The following SOS2 variants were observed in gnomAD, a reference collection of about 807,000 sequenced individuals.
SOS2 encodes the protein son of sevenless homolog 2.
A neutral mutation model predicts 148.2 loss-of-function variants in SOS2; 65 were observed. The ratio of observed to expected loss-of-function variants is 0.44; its 90% CI spans 0.36 to 0.54. The LOEUF is 0.54. SOS2 is among the 20% of genes least tolerant of loss of function. The probability of loss-of-function intolerance (pLI) is 0.00; values close to 1 mark genes in which losing one functional copy is unlikely to be tolerated. For missense variants in SOS2, 1,341 were observed against 1,590.2 expected (o/e 0.84, Z 2.67); for synonymous variants, 539 against 537.1 (o/e 1.00, Z -0.05).
Position 50,118,558 on chromosome 14 carries a change from G to A in SOS2, c.3785C>T (p.Pro1262Leu), listed in dbSNP as rs2139464111. The stretch of plus-strand genomic sequence containing the variant: ...TACCCTTGGAGAGGGTGTGCTAGGA[G>A]GAGTGCTTGGCGAATTTGGACACGT... ...ISTCPNSPST[P>L]PSTPSPRVPR... The change falls in exon 23 of 23, where the codon CCT (proline) becomes CTT (leucine). Residue 1262 changes from proline (P) to leucine (L), a missense_variant. By Grantham distance (98) the Pro-to-Leu change is moderately conservative. Transcript: ENST00000216373. 6.2e-7 allele frequency: 1 copy of A among 1,614,160 alleles called. No homozygotes were observed.
At chr14:50,204,953 T>C (rs750105118) in intron 1 of SOS2, among the ~76,000 whole-genome samples, 5 of 152,092 alleles carry the variant, frequency 3.3e-5, no homozygotes, top group Non-Finnish European at 5.9e-5. Flanking sequence ...CCGTTTTTGT[T>C]TCTAAATTTT....
Position 50,134,213 on chromosome 14 carries a change from C to T in SOS2, c.2985G>A (p.Met995Ile), listed in dbSNP as rs746630297. ...TAAACTCTTTTTCAGATGCACTTCC[C>T]ATGGGGTTAAGGTTTTCAAAGAATC... ...MRRFFENLNPMGSASEKEFTD... is the reference protein window; with the variant it reads ...MRRFFENLNPIGSASEKEFTD... Residue 995 changes from methionine to isoleucine, a missense_variant, in exon 19 of 23, where the codon ATG becomes ATA. By Grantham distance (10) the Met-to-Ile change is conservative (BLOSUM62 1). Around this residue, in one of 4 missense-constraint regions of SOS2, gnomAD observed 408 missense variants for 506.6 expected, o/e 0.81. Transcript: ENST00000216373. 4.4e-6 allele frequency: 7 copies of T among 1,595,640 alleles called. No homozygotes were observed. The Middle Eastern group carries it at 6.7e-4, about 152-fold the overall frequency.
In SOS2 at chr14:50,118,450, G is replaced by A. The variant is rs1293320922; in HGVS notation, c.3893C>T (p.Ser1298Leu). The A allele has an allele frequency of 1.9e-6, 3 of 1,614,160 alleles. No individual in the cohort carries two copies. The highest frequency in any genetic ancestry group is 2.2e-5 in the East Asian group (1 of 44,886). ...TGGCAGTTTTGGCAGATGAGGGCTT[G>A]AATTCTGCCTTGGTGGAACAGGGGG... is the stretch of plus-strand genomic sequence containing the variant. ...PAPPVPPRQN[S>L]SPHLPKLPPK... Residue 1298 changes from serine (S) to leucine (L), a missense_variant, in exon 23 of 23, where the codon TCA (serine) becomes TTA (leucine). Transcript: ENST00000216373.
intron 16 of SOS2, among the ~76,000 whole-genome samples, chr14:50,141,531 T>C (rs1362359691): frequency 3.3e-5 from 5 of 151,932 alleles, no homozygotes; most frequent in Non-Finnish European, 1.5e-5. Flanking sequence ...TAAGGGTCAC[T>C]GAAAACAAAA....
chr14:50,140,320 T>G (rs1295698403), intron 16 of SOS2, among the ~76,000 whole-genome samples: 1 of 152,182 alleles, frequency 6.6e-6, no homozygotes, highest in African/African-American at 2.4e-5. Flanking sequence ...GTGCGTTATT[T>G]TGACTAGCCA....
intron 2 of SOS2, 103 bp from the exon 3 acceptor site, chr14:50,201,187 A>G: frequency 9.4e-7 from 1 of 1,062,972 alleles, no homozygotes; most frequent in African/African-American, 1.6e-5. Context: ...GCTAGCAGAT[A>G]ATAGTGACAC....
chr14:50,128,777 A>AT (rs964844830), intron 21 of SOS2, among the ~76,000 whole-genome samples: 17 of 151,424 alleles, frequency 1.1e-4, no homozygotes, highest in Admixed American at 3.3e-4. Context: ...ACTTTGATAA[A>AT]TTTTTTTTTG....
intron 2 of SOS2, among the ~76,000 whole-genome samples, chr14:50,203,594 A>G (rs1886568052): frequency 7.7e-4 from 2 of 2,600 alleles, no homozygotes; most frequent in South Asian, 6.1e-3. Flanking sequence ...TTTTTCAGAT[A>G]TATATATATA....
At chr14:50,205,454 C>T (rs1189954706) in intron 1 of SOS2, among the ~76,000 whole-genome samples, 1 of 151,880 alleles carries the variant, frequency 6.6e-6, no homozygotes, top group Non-Finnish European at 1.5e-5. Flanking sequence ...AATTTAAAAC[C>T]CTCCCCACAA....
intron 1 of SOS2, chr14:50,215,332 G>T (rs1315769517): frequency 8.2e-7 from 1 of 1,220,524 alleles, no homozygotes; most frequent in South Asian, 1.4e-5. Context: ...TTTCAAATAT[G>T]AAAACAGTCA....
intron 21 of SOS2, among the ~76,000 whole-genome samples, chr14:50,125,876 T>C (rs1319368333): frequency 6.6e-6 from 1 of 152,202 alleles, no homozygotes; most frequent in Admixed American, 6.5e-5. Context: ...TAGTCTGAGC[T>C]GAAAACACAG....
chr14:50,143,279 C>A (rs1398112213), intron 16 of SOS2, among the ~76,000 whole-genome samples: 1 of 141,790 alleles, frequency 7.1e-6, no homozygotes, highest in African/African-American at 2.6e-5. Flanking sequence ...GGGCTATGAT[C>A]ATGCCACTGG....
intron 19 of SOS2, among the ~76,000 whole-genome samples, chr14:50,133,249 C>T (rs71426463): frequency 0.83 from 86,900 of 105,010 alleles, 36,360 homozygotes; most frequent in East Asian, 0.9. Context: ...TTTCTTTTTT[C>T]TTTTTTTTTT....
intron 1 of SOS2, among the ~76,000 whole-genome samples, chr14:50,208,545 G>A (rs1886753342): frequency 6.6e-6 from 1 of 152,156 alleles, no homozygotes; most frequent in Non-Finnish European, 1.5e-5. Context: ...CTACTCGGGA[G>A]GCTGAGGCAG....
intron 8 of SOS2, among the ~76,000 whole-genome samples, chr14:50,163,644 A>C (rs1885080856): frequency 6.6e-6 from 1 of 152,330 alleles, no homozygotes; most frequent in South Asian, 2.1e-4. Flanking sequence ...GGTTATTCTG[A>C]CTTCTACAGG....
intron 16 of SOS2, among the ~76,000 whole-genome samples, chr14:50,143,472 C>A (rs1391299752): frequency 1.3e-5 from 2 of 152,070 alleles, no homozygotes; most frequent in African/African-American, 4.8e-5. Context: ...AAGTTTCACT[C>A]TGTTGCCCAG....
chr14:50,211,430 C>G (rs1886864974), intron 1 of SOS2, among the ~76,000 whole-genome samples: 1 of 151,968 alleles, frequency 6.6e-6, no homozygotes, highest in Non-Finnish European at 1.5e-5. Context: ...GATCCCATCA[C>G]CCAGGTACTG....
chr14:50,171,049 G>A (rs1231198900), intron 8 of SOS2, among the ~76,000 whole-genome samples: 2 of 151,640 alleles, frequency 1.3e-5, no homozygotes, highest in African/African-American at 4.8e-5. Context: ...GGGAGGCGGA[G>A]GTTGCAGTGA....
intron 18 of SOS2, among the ~76,000 whole-genome samples, chr14:50,135,642 CTTTTTTTTTTT>C (rs56043962): frequency 1.2e-5 from 1 of 82,566 alleles, no homozygotes; most frequent in Admixed American, 1.7e-4. Flanking sequence ...ATGTGGTTTG[CTTTTTTTTTTT>C]TTTTTTTTTT....
Sources: gnomAD v4.1 joint callset for allele counts (sites outside exome capture counted in the v4.1 genomes callset) on GRCh38, gnomAD v4.1.1 for gene constraint, gnomAD v4.1.1 regional missense constraint, MANE v1.5 for transcripts, NCBI Gene and HGNC (gene_info 2026-07-23, HGNC 2026-07-21) for gene names.